Variants in ASTN1 observed in about 807,000 individuals in gnomAD.
ASTN1 encodes astrotactin 1.
In ASTN1, 41 loss-of-function variants were observed where a neutral mutation model predicts 140.7. The ratio of observed to expected loss-of-function variants is 0.29; its 90% CI spans 0.23 to 0.38. The LOEUF (loss-of-function observed/expected upper bound fraction) is 0.38, where lower values mean the gene tolerates loss of function less well. ASTN1 is among the 10% of genes least tolerant of loss of function. The probability of loss-of-function intolerance (pLI) is 1.00; values close to 1 mark genes in which losing one functional copy is unlikely to be tolerated. For synonymous variants in ASTN1, 640 were observed against 652.2 expected, an observed-to-expected ratio of 0.98 and a Z score of 0.29; for missense variants, 1,479 against 1,678.8, an observed-to-expected ratio of 0.88 and a Z score of 2.08.
intron 8 of ASTN1, among the ~76,000 whole-genome samples, chr1:177,014,358 C>T (rs1278564033): frequency 2.0e-5 from 3 of 152,174 alleles, no homozygotes. Flanking sequence ...CTGTATGTCA[C>T]CCCTGCTGAC....
At chr1:177,079,829 G>A (rs189567659) in intron 1 of ASTN1, among the ~76,000 whole-genome samples, 6 of 152,058 alleles carry the variant, frequency 3.9e-5, no homozygotes, top group East Asian at 1.9e-4. Context: ...TATACAGAAC[G>A]TTCGCTCATA....
chr1:177,008,571 AAG>A (rs1215129525), intron 8 of ASTN1, among the ~76,000 whole-genome samples: 1 of 148,074 alleles, frequency 6.8e-6, no homozygotes, highest in Non-Finnish European at 1.5e-5. Flanking sequence ...GAGAGGGAGG[AAG>A]AGAGAGAAAG....
intron 8 of ASTN1, among the ~76,000 whole-genome samples, chr1:176,978,759 C>T (rs970124444): frequency 6.6e-6 from 1 of 151,960 alleles, no homozygotes; most frequent in Non-Finnish European, 1.5e-5. Flanking sequence ...AGAAGAGAGG[C>T]AAGTACAAAG....
chr1:177,104,415 GA>G (rs1056137582), intron 1 of ASTN1, among the ~76,000 whole-genome samples: 3 of 151,116 alleles, frequency 2.0e-5, no homozygotes, highest in Non-Finnish European at 4.4e-5. Context: ...ACTGCAAAAA[GA>G]AAAAAAAGTC....
At chr1:177,077,100 T>C (rs893398384) in intron 1 of ASTN1, among the ~76,000 whole-genome samples, 20 of 152,176 alleles carry the variant, frequency 1.3e-4, no homozygotes, top group African/African-American at 4.8e-4. Context: ...ATATTAATGA[T>C]GGATCTGTGT....
intron 2 of ASTN1, among the ~76,000 whole-genome samples, chr1:177,043,855 A>C (rs761130811): frequency 4.6e-5 from 7 of 152,184 alleles, no homozygotes; most frequent in Non-Finnish European, 1.0e-4. Context: ...GGGAAGGAGG[A>C]GAAACCCTGG....
intron 1 of ASTN1, among the ~76,000 whole-genome samples, chr1:177,137,846 G>A (rs1682270023): frequency 6.6e-6 from 1 of 152,224 alleles, no homozygotes; most frequent in African/African-American, 2.4e-5. Flanking sequence ...TTAATAAAAT[G>A]CTAACTAAAA....
At chr1:176,880,464 T>C (rs1393038014) in intron 20 of ASTN1, among the ~76,000 whole-genome samples, 3 of 152,026 alleles carry the variant, frequency 2.0e-5, no homozygotes, top group Non-Finnish European at 2.9e-5. Context: ...GATGGGGCAG[T>C]AGGTTGAAAG....
At chr1:176,960,319 AAGG>A (rs1480487490) in intron 9 of ASTN1, among the ~76,000 whole-genome samples, 1 of 152,198 alleles carries the variant, frequency 6.6e-6, no homozygotes, top group African/African-American at 2.4e-5. Context: ...GAATGGTACC[AAGG>A]AGGAGGCAGC....
intron 20 of ASTN1, 149 bp downstream of exon 20, chr1:176,882,710 C>T: frequency 2.7e-6 from 3 of 1,122,666 alleles, no homozygotes; most frequent in Non-Finnish European, 3.8e-6. Flanking sequence ...TACTCGAGAA[C>T]ATTCTCTATA....
intron 1 of ASTN1, among the ~76,000 whole-genome samples, chr1:177,144,253 ATTT>A (rs753935228): frequency 1.4e-5 from 2 of 138,030 alleles, no homozygotes; most frequent in Admixed American, 7.3e-5. Context: ...GAACTCAATG[ATTT>A]TTTTTTTTTT....
intron 8 of ASTN1, among the ~76,000 whole-genome samples, chr1:176,998,423 A>G (rs986370758): frequency 3.9e-5 from 6 of 151,912 alleles, no homozygotes; most frequent in Admixed American, 1.3e-4. Context: ...AGGCACCCCA[A>G]ATATTTTTCC....
At chr1:176,971,666 T>A (rs1302908755) in intron 8 of ASTN1, among the ~76,000 whole-genome samples, 2 of 152,228 alleles carry the variant, frequency 1.3e-5, no homozygotes, top group East Asian at 1.9e-4. Context: ...CCCTGCACTT[T>A]CCTTTATATA....
chr1:176,905,830 C>T (rs1466405407), intron 16 of ASTN1, among the ~76,000 whole-genome samples: 1 of 152,194 alleles, frequency 6.6e-6, no homozygotes, highest in Non-Finnish European at 1.5e-5. Flanking sequence ...ATGAAGCTTT[C>T]ATTACGAGAT....
At chr1:177,075,841 T>C (rs1460625855) in intron 1 of ASTN1, among the ~76,000 whole-genome samples, 6 of 151,870 alleles carry the variant, frequency 4.0e-5, no homozygotes, top group African/African-American at 1.5e-4. Context: ...AGGGTCTTGC[T>C]ATGTTGCCCA....
intron 1 of ASTN1, among the ~76,000 whole-genome samples, chr1:177,102,592 ACAAAG>A (rs1680353377): frequency 6.6e-6 from 1 of 152,214 alleles, no homozygotes; most frequent in Non-Finnish European, 1.5e-5. Flanking sequence ...ATAAAATAAA[ACAAAG>A]TAAAATTAAA....
chr1:176,882,694 T>C (rs1668855782), intron 20 of ASTN1, among the ~76,000 whole-genome samples, 165 bp downstream of exon 20: 1 of 152,144 alleles, frequency 6.6e-6, no homozygotes, highest in Admixed American at 6.5e-5. Context: ...CATTCCAGTG[T>C]CTAAGTACTC....
intron 5 of ASTN1, among the ~76,000 whole-genome samples, chr1:177,027,240 T>G (rs1468845489): frequency 2.6e-5 from 4 of 152,138 alleles, no homozygotes; most frequent in African/African-American, 9.7e-5. Context: ...GAACAGATTC[T>G]CACTGATTCC....
intron 1 of ASTN1, among the ~76,000 whole-genome samples, chr1:177,117,166 G>A (rs1681133827): frequency 6.6e-6 from 1 of 151,802 alleles, no homozygotes; most frequent in Non-Finnish European, 1.5e-5. Context: ...TCTGCATCTT[G>A]TTAATGACAG....
Sources: allele counts gnomAD v4.1 joint callset (sites outside exome capture counted in the v4.1 genomes callset), GRCh38; gene constraint gnomAD v4.1.1; transcripts MANE v1.5; gene names NCBI Gene and HGNC (gene_info 2026-07-23, HGNC 2026-07-21).